Variants in TMTC2 observed in about 807,000 individuals in gnomAD.
TMTC2 encodes transmembrane O-mannosyltransferase targeting cadherins 2.
TMTC2 carries 43 observed loss-of-function variants against 82.4 expected under a neutral mutation model. The observed-to-expected ratio is 0.52, with a 90% CI of 0.41 to 0.67. The LOEUF is 0.67. Among genes scored for constraint, TMTC2 ranks in the 30% least tolerant of loss-of-function variants. The pLI is 0.00. For synonymous variants in TMTC2, 408 were observed against 381.9 expected, an observed-to-expected ratio of 1.07 and a Z score of -0.80; for missense variants, 919 against 1,012.4, an observed-to-expected ratio of 0.91 and a Z score of 1.25.
At chr12:83,048,738 A>G (rs1425422866) in intron 9 of TMTC2, among the ~76,000 whole-genome samples, 1 of 152,182 alleles carries the variant, frequency 6.6e-6, no homozygotes, top group Non-Finnish European at 1.5e-5. Flanking sequence ...GCGCAATCTC[A>G]GCTCACTGCA....
chr12:82,960,006 A>G (rs878924378), intron 4 of TMTC2, among the ~76,000 whole-genome samples: 1 of 152,076 alleles, frequency 6.6e-6, no homozygotes, highest in Non-Finnish European at 1.5e-5. Context: ...AAACAAAAAA[A>G]AGAAAGATAT....
At chr12:82,988,804 C>G (rs1465588218) in intron 8 of TMTC2, among the ~76,000 whole-genome samples, 1 of 148,954 alleles carries the variant, frequency 6.7e-6, no homozygotes, top group Non-Finnish European at 1.5e-5. Context: ...TTTAGAGGTC[C>G]CCTGTAAATG....
At chr12:83,010,982 G>A (rs1312255456) in intron 8 of TMTC2, among the ~76,000 whole-genome samples, 1 of 152,056 alleles carries the variant, frequency 6.6e-6, no homozygotes, top group Admixed American at 6.6e-5. Flanking sequence ...TTACAGATGT[G>A]TGACTCCATG....
At chr12:82,862,194 T>C (rs1871588064) in intron 2 of TMTC2, among the ~76,000 whole-genome samples, 1 of 152,184 alleles carries the variant, frequency 6.6e-6, no homozygotes, top group Admixed American at 6.5e-5. Context: ...TGCAAATACA[T>C]ACTAGACTTT....
At position 82,965,442 on chromosome 12, in the gene TMTC2, ATT is replaced by A. The variant is rs983436911; in HGVS notation, c.1685-112_1685-111del. On this transcript the variant is annotated intron_variant, in intron 5 of 11. Transcript: ENST00000321196. ...TCCCATGAGTATTTGTGTCATAAGT[ATT>A]TTTTTCTTTTTTAATGAGCACTAAA... 11 of 1,044,128 alleles carry A rather than the reference ATT, an allele frequency of 1.1e-5. No homozygotes were observed. The South Asian group carries it at 1.6e-4, about 16-fold the overall frequency. 64.7% of individuals were successfully genotyped at this position (1,044,128 alleles called of 1,614,324 possible). A position where few individuals can be genotyped will look rare whatever the true frequency, so the allele number is the denominator to read the frequency against.
At chr12:83,042,406 C>G (rs960502330) in intron 9 of TMTC2, among the ~76,000 whole-genome samples, 3 of 152,136 alleles carry the variant, frequency 2.0e-5, no homozygotes, top group Non-Finnish European at 4.4e-5. Context: ...TTGTATTCCT[C>G]GTCTAGTTGC....
intron 1 of TMTC2, among the ~76,000 whole-genome samples, chr12:82,743,818 A>C (rs1264773948): frequency 6.6e-6 from 1 of 152,212 alleles, no homozygotes; most frequent in Non-Finnish European, 1.5e-5. Context: ...AATACTACAG[A>C]AAATATGACT....
Position 83,075,407 on chromosome 12 carries a change from C to T in TMTC2, c.2331+13576C>T, listed in dbSNP as rs151042030. ...CCCATCCTCCATGATGATCTCTTGT[C>T]CATCTGTATATTTTATAGTTAGCAA... On this transcript the variant is annotated intron_variant, in intron 11 of 11. Coordinates refer to ENST00000321196, the MANE Select transcript of TMTC2 (RefSeq NM_152588.3). 5.8e-3 allele frequency among the ~76,000 whole-genome samples: 881 copies of T among 152,226 alleles called. 6 individuals are homozygous for T. The highest frequency in any genetic ancestry group is 0.02 in the African/African-American group (812 of 41,538).
rs1172616545 is a variant in TMTC2, at chr12:82,965,740, A to G, written c.1865A>G (p.Tyr622Cys). The change falls in exon 6 of 12, where the codon TAT (tyrosine) becomes TGT (cysteine). Residue 622 changes from tyrosine (Y) to cysteine (C), a missense_variant. Tyr to Cys is a radical substitution (Grantham distance 194). Coordinates refer to ENST00000321196, the MANE Select transcript of TMTC2 (RefSeq NM_152588.3). ...AAGCTGTATCATGAGCAGGGACACT[A>G]TGAGGTCTGGCCAATGCCTCTCTGT... Reference protein sequence around the residue: ...LGKLYHEQGHYEEALSVYKEA... With the variant: ...LGKLYHEQGHCEEALSVYKEA... 2.5e-6 allele frequency: 4 copies of G among 1,613,750 alleles called. No individual in the cohort carries two copies. The highest frequency in any genetic ancestry group is 3.4e-6 in the Non-Finnish European group (4 of 1,179,846).
intron 1 of TMTC2, among the ~76,000 whole-genome samples, chr12:82,738,444 G>A (rs1875227665): frequency 6.6e-6 from 1 of 152,106 alleles, no homozygotes; most frequent in Admixed American, 6.6e-5. Flanking sequence ...CACTTACTGA[G>A]TGACAGGGAT....
chr12:83,095,304 G>C (rs1185039378), intron 11 of TMTC2, among the ~76,000 whole-genome samples: 7 of 149,932 alleles, frequency 4.7e-5, no homozygotes, highest in Non-Finnish European at 1.0e-4. Flanking sequence ...GCAGTGGCGT[G>C]ATCTCGGCTC....
intron 4 of TMTC2, among the ~76,000 whole-genome samples, chr12:82,939,010 C>T (rs1009247217): frequency 7.9e-5 from 12 of 151,992 alleles, no homozygotes; most frequent in East Asian, 3.9e-4. Flanking sequence ...CGTCAGAATT[C>T]GTATAATCGT....
intron 11 of TMTC2, among the ~76,000 whole-genome samples, chr12:83,063,661 TAGAG>T (rs2137476320): frequency 6.6e-6 from 1 of 151,960 alleles, no homozygotes; most frequent in African/African-American, 2.4e-5. Flanking sequence ...GAAAATATCT[TAGAG>T]AGGAAAGGCA....
At chr12:82,720,419 A>C (rs1874152093) in intron 1 of TMTC2, among the ~76,000 whole-genome samples, 1 of 152,186 alleles carries the variant, frequency 6.6e-6, no homozygotes. Context: ...AGCCAAATAC[A>C]ATTCCATTGT....
intron 1 of TMTC2, among the ~76,000 whole-genome samples, chr12:82,721,460 C>T (rs979013057): frequency 3.3e-5 from 5 of 151,996 alleles, no homozygotes; most frequent in Non-Finnish European, 7.4e-5. Context: ...GCCACTTGAA[C>T]TACTAAAATT....
intron 4 of TMTC2, among the ~76,000 whole-genome samples, chr12:82,932,069 T>G (rs1876065577): frequency 6.6e-6 from 1 of 152,168 alleles, no homozygotes; most frequent in African/African-American, 2.4e-5. Flanking sequence ...AACTAATCTG[T>G]AAACTTTTAA....
At chr12:82,811,927 C>G (rs932705446) in intron 1 of TMTC2, among the ~76,000 whole-genome samples, 5 of 150,356 alleles carry the variant, frequency 3.3e-5, no homozygotes, top group African/African-American at 1.2e-4. Context: ...AGCAATTCTC[C>G]TGCTTCAGTC....
At chr12:82,994,744 AGCATTCC>A (rs1334520603) in intron 8 of TMTC2, among the ~76,000 whole-genome samples, 1 of 152,186 alleles carries the variant, frequency 6.6e-6, no homozygotes, top group Non-Finnish European at 1.5e-5. Flanking sequence ...AAAGACTAAC[AGCATTCC>A]CTTGGCCTCC....
chr12:82,867,458 T>A (rs1241899782), intron 2 of TMTC2, among the ~76,000 whole-genome samples: 1 of 152,086 alleles, frequency 6.6e-6, no homozygotes, highest in East Asian at 1.9e-4. Context: ...ATGGGGAAAA[T>A]GAAGAACACC....
Sources: gnomAD v4.1 joint callset for allele counts (sites outside exome capture counted in the v4.1 genomes callset) on GRCh38, gnomAD v4.1.1 for gene constraint, MANE v1.5 for transcripts, NCBI Gene and HGNC (gene_info 2026-07-23, HGNC 2026-07-21) for gene names.